Variants in PFKFB3 observed in about 807,000 individuals in gnomAD.
PFKFB3 encodes the protein 6-phosphofructo-2-kinase/fructose-2,6-bisphosphatase 3.
Under a neutral mutation model 68.0 loss-of-function variants are expected in PFKFB3, and 33 were observed. That is an observed-to-expected ratio of 0.49 (90% confidence interval 0.37 to 0.65). The LOEUF is 0.65. PFKFB3 is among the 30% of genes least tolerant of loss of function. PFKFB3 has a pLI of 0.00. For missense variants in PFKFB3, 586 were observed against 712.2 expected, an observed-to-expected ratio of 0.82 and a Z score of 2.02; for synonymous variants, 315 against 288.2, an observed-to-expected ratio of 1.09 and a Z score of -0.94.
rs779419184 is a variant in PFKFB3 at position 6,219,550 on chromosome 10, C to A, written c.499-19C>A. The stretch of plus-strand genomic sequence containing the variant: ...GCCTTCCAGCGTGATTTATCAGCCA[C>A]CCCTTTGTGGTGTTGCAGGAAGTTA... On this transcript the variant is annotated intron_variant, in intron 6 of 14. Transcript: ENST00000379775. 1.2e-6 allele frequency: 2 copies of A among 1,613,934 alleles called. No individual in the cohort carries two copies. Among genetic ancestry groups the A allele is most frequent in the East Asian group, 2.2e-5 (1 of 44,880 alleles).
chr10:6,232,941 G>A lies in PFKFB3; in HGVS notation c.1562G>A (p.Ter521=), dbSNP rs781754660. 23 of 1,611,058 alleles carry A rather than the reference G, an allele frequency of 1.4e-5. No individual in the cohort carries two copies. The highest frequency in any genetic ancestry group is 2.0e-5 in the Non-Finnish European group (23 of 1,177,558). ...AGCGCTGACTCCTCCAGGAAACACT[G>A]AGGCAGACGTGTCGGTTCCATTCCA... The part of the protein sequence containing the change: ...RSSADSSRKH[*] The change falls in exon 15 of 15, where the codon TGA becomes TAA. Residue 521 remains the stop codon, a stop_retained_variant. Coordinates refer to ENST00000379775, the MANE Select transcript of PFKFB3 (RefSeq NM_004566.4).
rs1448931294 is a variant in PFKFB3, at chr10:6,232,906, CTCCCGGA to C, written c.1528_1534del (p.Ser510AlafsTer130). On this transcript the variant is annotated frameshift_variant, in exon 15 of 15. Coordinates refer to ENST00000379775, the MANE Select transcript of PFKFB3 (RefSeq NM_004566.4). LOFTEE classifies it high-confidence loss of function. ...TCTCCTGAAAACAGAACATGAAAGG[CTCCCGGA>C]GCAGCGCTGACTCCTCCAGGAAACA... 1 of 1,613,300 alleles carries C rather than the reference CTCCCGGA, an allele frequency of 6.2e-7. No individual in the cohort carries two copies. The highest frequency in any genetic ancestry group is 1.7e-5 in the Admixed American group (1 of 60,016).
intron 14 of PFKFB3, 123 bp downstream of exon 14, chr10:6,226,488 C>G: frequency 1.1e-6 from 1 of 886,880 alleles, no homozygotes; most frequent in Non-Finnish European, 1.7e-6. Context: ...GGTGCGCGTG[C>G]GTATGTTGTA....
At chr10:6,214,767 C>A (rs1310062900) in intron 2 of PFKFB3, among the ~76,000 whole-genome samples, 2 of 152,234 alleles carry the variant, frequency 1.3e-5, no homozygotes, top group Non-Finnish European at 2.9e-5. Flanking sequence ...ACACATGTCT[C>A]CGGCCCTGGC....
At chr10:6,276,838 T>TTGTGTGTGTGTG in the PFKFB3 span, among the ~76,000 whole-genome samples, 386 of 147,296 alleles carry the variant, frequency 2.6e-3, 1 homozygote, top group East Asian at 9.7e-3. Context: ...TTATATGTAT[T>TTGTGTGTGTGTG]TGTGTGTGTG....
chr10:6,297,120 G>A, the PFKFB3 span, among the ~76,000 whole-genome samples: 3 of 152,226 alleles, frequency 2.0e-5, no homozygotes, highest in African/African-American at 7.2e-5. Context: ...GCGTAACCAG[G>A]AAGTGGAATA....
intron 1 of PFKFB3, among the ~76,000 whole-genome samples, chr10:6,204,501 C>G (rs1433748165): frequency 6.6e-6 from 1 of 152,238 alleles, no homozygotes; most frequent in Non-Finnish European, 1.5e-5. Context: ...CTCGTCCAGA[C>G]CTGCCCCTCT....
chr10:6,279,785 A>T, the PFKFB3 span, among the ~76,000 whole-genome samples: 1 of 152,224 alleles, frequency 6.6e-6, no homozygotes, highest in African/African-American at 2.4e-5. Context: ...ACCATTACAT[A>T]AATGAGGCTG....
At chr10:6,263,849 C>A in the PFKFB3 span, among the ~76,000 whole-genome samples, 1 of 152,214 alleles carries the variant, frequency 6.6e-6, no homozygotes, top group Non-Finnish European at 1.5e-5. Context: ...CCATGCCCAG[C>A]TAATTTTTAT....
intron 1 of PFKFB3, among the ~76,000 whole-genome samples, chr10:6,183,033 A>G (rs1419397088): frequency 1.3e-5 from 2 of 152,144 alleles, no homozygotes; most frequent in African/African-American, 4.8e-5. Flanking sequence ...CACAGCCCAT[A>G]CACGCCCCAG....
chr10:6,191,583 C>G (rs566424049), intron 1 of PFKFB3, among the ~76,000 whole-genome samples: 4 of 152,188 alleles, frequency 2.6e-5, no homozygotes, highest in Admixed American at 6.5e-5. Flanking sequence ...TCGGGCCCCC[C>G]CTAGAATCAC....
the PFKFB3 span, among the ~76,000 whole-genome samples, chr10:6,303,693 G>A: frequency 1.3e-5 from 2 of 151,668 alleles, no homozygotes; most frequent in Non-Finnish European, 2.9e-5. Context: ...GGCGCTACTC[G>A]GGAGGCTGCG....
the PFKFB3 span, among the ~76,000 whole-genome samples, chr10:6,275,856 TG>T: frequency 1.5e-4 from 23 of 152,142 alleles, no homozygotes; most frequent in Non-Finnish European, 5.9e-5. The surrounding 1 kb of genome is among the most constrained non-coding windows in gnomAD (Gnocchi z 4.9). Flanking sequence ...AAGGGGTATA[TG>T]GCTCTTCAAA....
chr10:6,311,583 TAC>T, the PFKFB3 span, among the ~76,000 whole-genome samples: 1 of 151,974 alleles, frequency 6.6e-6, no homozygotes, highest in East Asian at 1.9e-4. Flanking sequence ...ACCCCGTCTA[TAC>T]TAAAAATACA....
chr10:6,224,456 T>C lies in PFKFB3; in HGVS notation c.1341+243T>C, dbSNP rs1487339937. 5.6e-5 allele frequency: 36 copies of C among 640,796 alleles called. No homozygotes were observed. The Admixed American group carries it at 8.3e-4, about 15-fold the overall frequency. The allele number at this position is 640,796 out of a possible 1,614,324, so 39.7% of individuals were successfully genotyped here. A position where few individuals can be genotyped will look rare whatever the true frequency, so the allele number is the denominator to read the frequency against. ...TCCCATTTCTGCTGAGCTCGAGATA[T>C]GAATATTAGTGAGGAAGATACATTC... On this transcript the variant is annotated intron_variant, in intron 13 of 14. Transcript: ENST00000379775.
chr10:6,186,075 T>A (rs1166996385), intron 1 of PFKFB3, among the ~76,000 whole-genome samples: 1 of 152,110 alleles, frequency 6.6e-6, no homozygotes, highest in Non-Finnish European at 1.5e-5. Flanking sequence ...AAGGCCAGAA[T>A]AGGAAGGTGA....
chr10:6,147,204 C>A (rs75438618), intron 1 of PFKFB3, among the ~76,000 whole-genome samples: 5 of 152,184 alleles, frequency 3.3e-5, no homozygotes, highest in Non-Finnish European at 7.3e-5. Flanking sequence ...CCTGCACTGA[C>A]GGAGGTGCAG....
At chr10:6,181,303 C>A (rs1842706419) in intron 1 of PFKFB3, among the ~76,000 whole-genome samples, 1 of 151,646 alleles carries the variant, frequency 6.6e-6, no homozygotes, top group African/African-American at 2.4e-5. Flanking sequence ...TAGTCATGAG[C>A]CTCTGCACGC....
intron 1 of PFKFB3, among the ~76,000 whole-genome samples, chr10:6,176,417 A>G (rs1037389890): frequency 6.6e-6 from 1 of 152,020 alleles, no homozygotes; most frequent in East Asian, 1.9e-4. Context: ...TACCTGTTTA[A>G]TTGTGCAAGA....
Sources: gnomAD v4.1 joint callset for allele counts (sites outside exome capture counted in the v4.1 genomes callset) on GRCh38, gnomAD v4.1.1 for gene constraint, Gnocchi (gnomAD v3.1) non-coding constraint, MANE v1.5 for transcripts, NCBI Gene and HGNC (gene_info 2026-07-23, HGNC 2026-07-21) for gene names.